DNASE1L3: variants seen among roughly 807,000 people sequenced by gnomAD.
DNASE1L3 encodes deoxyribonuclease 1L3.
A neutral mutation model predicts 30.9 loss-of-function variants in DNASE1L3; 27 were observed. That is an observed-to-expected ratio of 0.87 (90% CI 0.64 to 1.20). The LOEUF is 1.20. DNASE1L3 is among the 50% of genes most tolerant of loss of function. DNASE1L3 has a pLI of 0.00. For synonymous variants in DNASE1L3, 135 were observed against 138.0 expected, an observed-to-expected ratio of 0.98 and a Z score of 0.15; for missense variants, 364 against 378.2, an observed-to-expected ratio of 0.96 and a Z score of 0.31.
At chr3:58,193,158 C>G (rs767406923) in intron 7 of DNASE1L3, 185 bp downstream of exon 7, 1 of 1,435,650 alleles carries the variant, frequency 7.0e-7, no homozygotes, top group Non-Finnish European at 9.1e-7. Flanking sequence ...CTCACTGCAA[C>G]CTCCGCTTCC....
Position 58,205,617 on chromosome 3 carries a change from A to T in DNASE1L3, c.231-57T>A. 2.1e-6 allele frequency: 3 copies of T among 1,448,592 alleles called. No individual in the cohort carries two copies. In the South Asian group the frequency reaches 3.5e-5, roughly 17 times the overall value. The allele number at this position is 1,448,592 out of a possible 1,614,324, so 89.7% of individuals were successfully genotyped here. ...AAGAGTAAACATTCCCCTACTGTAC[A>T]TGTTCCTTTCTTTCCAATCTGCCTC... On this transcript the variant is annotated intron_variant, in intron 2 of 7. Coordinates refer to ENST00000394549, the MANE Select transcript of DNASE1L3 (RefSeq NM_004944.4).
chr3:58,205,804 A>G (rs192835995), intron 2 of DNASE1L3, among the ~76,000 whole-genome samples: 3 of 152,236 alleles, frequency 2.0e-5, no homozygotes, highest in Non-Finnish European at 4.4e-5. Context: ...CCCCCTTTCT[A>G]TGGTTTGCAA....
intron 4 of DNASE1L3, among the ~76,000 whole-genome samples, chr3:58,202,317 G>GTTT (rs1171213238): frequency 3.4e-3 from 168 of 48,798 alleles, no homozygotes; most frequent in Middle Eastern, 0.033. Context: ...GGCTAGCTTT[G>GTTT]TTTTTTTTTT....
chr3:58,201,547 T>C (rs1355703815), intron 4 of DNASE1L3, among the ~76,000 whole-genome samples: 2 of 152,250 alleles, frequency 1.3e-5, no homozygotes, highest in African/African-American at 2.4e-5. Flanking sequence ...TAGTACATTC[T>C]ATGTCCTTGT....
chr3:58,204,553 A>G (rs1359043842), intron 4 of DNASE1L3, among the ~76,000 whole-genome samples: 1 of 152,232 alleles, frequency 6.6e-6, no homozygotes, highest in Non-Finnish European at 1.5e-5. Flanking sequence ...TTGCTTCCAG[A>G]AAGTGGGTTC....
rs3772985 is a variant in DNASE1L3, at chr3:58,200,992, C to A, written c.546+5G>T. On this transcript the variant is annotated splice_donor_5th_base_variant and intron_variant, in intron 5 of 7. Transcript: ENST00000394549. This position sits in a 1 kb window ranked among gnomAD's most constrained non-coding sequence, Gnocchi z 4.2. ...TGGGAATTCGTCTGACACAGCAGTC[C>A]TCACCTCCGCCTTCCAGCGGTGTTT... The A allele has an allele frequency of 0.13, 208,740 of 1,609,678 alleles. 15,968 individuals are homozygous for A. The highest frequency in any genetic ancestry group is 0.31 in the East Asian group (14,003 of 44,716).
intron 5 of DNASE1L3, among the ~76,000 whole-genome samples, chr3:58,198,233 A>T (rs1229455356): frequency 6.6e-6 from 1 of 152,198 alleles, no homozygotes; most frequent in African/African-American, 2.4e-5. Flanking sequence ...GGTCATATGG[A>T]TGGGCTCTAA....
At chr3:58,206,662 G>A (rs530931422) in intron 2 of DNASE1L3, among the ~76,000 whole-genome samples, 26 of 152,180 alleles carry the variant, frequency 1.7e-4, no homozygotes, top group African/African-American at 6.0e-4. Flanking sequence ...GAAAAGACTC[G>A]CCCCAGACTG....
rs569694430 is a variant in DNASE1L3, at chr3:58,197,628, T to C, written c.704+193A>G. 2.6e-5 allele frequency among the ~76,000 whole-genome samples: 4 copies of C among 152,250 alleles called. No individual in the cohort carries two copies. Among genetic ancestry groups the C allele is most frequent in the East Asian group, 1.9e-4 (1 of 5,176 alleles). On this transcript the variant is annotated intron_variant, in intron 6 of 7. Transcript: ENST00000394549. This position sits in a 1 kb window ranked among gnomAD's most constrained non-coding sequence, Gnocchi z 5.3. ...CCACCATGCCTGGCTAATTTTTGTA[T>C]TTTTTGTAGAGACGGGGTTTCATCA... is the stretch of plus-strand genomic sequence containing the variant.
At chr3:58,201,197 A>G (rs2097400364) in intron 4 of DNASE1L3, 88 bp from the exon 5 acceptor site, 1 of 963,480 alleles carries the variant, frequency 1.0e-6, no homozygotes, top group Non-Finnish European at 1.5e-6. Context: ...TGTCCCCTCC[A>G]GAAGGCACAG....
At chr3:58,198,053 ACT>A in intron 5 of DNASE1L3, 75 bp from the exon 6 acceptor site, 1 of 1,491,050 alleles carries the variant, frequency 6.7e-7, no homozygotes. Flanking sequence ...TCTAGCAAAG[ACT>A]CTGCGTCCCA....
chr3:58,204,329 C>T (rs1189566392), intron 4 of DNASE1L3, among the ~76,000 whole-genome samples: 2 of 151,828 alleles, frequency 1.3e-5, no homozygotes, highest in African/African-American at 2.4e-5. Context: ...TTAGTAGAGA[C>T]GGGGTTTCAC....
chr3:58,193,975 TGCTGCTGCTTTC>T (rs2097395693), intron 6 of DNASE1L3, among the ~76,000 whole-genome samples: 1 of 152,234 alleles, frequency 6.6e-6, no homozygotes, highest in Non-Finnish European at 1.5e-5. Context: ...TTATGGCAAA[TGCTGCTGCTTTC>T]TTACTCATGC....
chr3:58,194,546 G>A (rs946214869), intron 6 of DNASE1L3, among the ~76,000 whole-genome samples: 4 of 149,622 alleles, frequency 2.7e-5, no homozygotes, highest in Non-Finnish European at 4.4e-5. Context: ...TCTTGAACTC[G>A]TGACCTTAGG....
chr3:58,202,464 G>C (rs2097401387), intron 4 of DNASE1L3, among the ~76,000 whole-genome samples: 1 of 149,652 alleles, frequency 6.7e-6, no homozygotes. Flanking sequence ...CACCCAGCTG[G>C]GAGTTACAAA....
intron 4 of DNASE1L3, among the ~76,000 whole-genome samples, chr3:58,203,993 G>A (rs191228328): frequency 1.2e-4 from 18 of 152,264 alleles, no homozygotes; most frequent in Admixed American, 3.9e-4. Context: ...CACTTAATCA[G>A]GGGCCAGTAC....
Position 58,192,935 on chromosome 3 carries a change from T to G in DNASE1L3, c.802-132A>C, listed in dbSNP as rs2097395085. ...CGAAGTCACCCCACAGAACACTTACTGGTAAGCGTCATTCCAAGACCAGCT... is the reference window on the plus strand; with the variant it reads ...CGAAGTCACCCCACAGAACACTTACGGGTAAGCGTCATTCCAAGACCAGCT... On this transcript the variant is annotated intron_variant, in intron 7 of 7. Transcript: ENST00000394549. This position sits in a 1 kb window ranked among gnomAD's most constrained non-coding sequence, Gnocchi z 4.8. 6 of 1,469,534 alleles carry G rather than the reference T, an allele frequency of 4.1e-6. No homozygotes were observed. The highest frequency in any genetic ancestry group is 5.4e-6 in the Non-Finnish European group (6 of 1,118,042). 91.0% of individuals were successfully genotyped at this position (1,469,534 alleles called of 1,614,324 possible). A position where few individuals can be genotyped will look rare whatever the true frequency, so the allele number is the denominator to read the frequency against.
intron 4 of DNASE1L3, among the ~76,000 whole-genome samples, chr3:58,203,816 A>G (rs1282791686): frequency 6.6e-6 from 1 of 152,108 alleles, no homozygotes; most frequent in Non-Finnish European, 1.5e-5. Context: ...AGAAGAAAAA[A>G]AAAAGAACAT....
Position 58,192,518 on chromosome 3 carries a change from G to A in DNASE1L3, c.*169C>T. 1.5e-6 allele frequency: 1 copy of A among 672,352 alleles called. No homozygotes were observed. The highest frequency in any genetic ancestry group is 2.4e-6 in the Non-Finnish European group (1 of 411,156). 41.6% of individuals were successfully genotyped at this position (672,352 alleles called of 1,614,324 possible). ...ATTCAGGGGAGGTATGAGACCAAGA[G>A]AGATACAAAAGATTCTCCTTCCAAT... On this transcript the variant is annotated 3_prime_UTR_variant, in exon 8 of 8. Transcript: ENST00000394549. This position sits in a 1 kb window ranked among gnomAD's most constrained non-coding sequence, Gnocchi z 4.8.
Sources: gnomAD v4.1 joint callset for allele counts (sites outside exome capture counted in the v4.1 genomes callset) on GRCh38, gnomAD v4.1.1 for gene constraint, Gnocchi (gnomAD v3.1) non-coding constraint, MANE v1.5 for transcripts, NCBI Gene and HGNC (gene_info 2026-07-23, HGNC 2026-07-21) for gene names.